The following MYT1L variants were observed in gnomAD, a reference collection of about 807,000 sequenced individuals.
MYT1L encodes the protein myelin transcription factor 1 like, also known as myelin transcription factor 1-like protein.
In MYT1L, 12 loss-of-function variants were observed where a neutral mutation model predicts 126.7. The observed-to-expected ratio is 0.09, with a 90% CI of 0.06 to 0.15. The LOEUF (loss-of-function observed/expected upper bound fraction) is 0.15. Among genes scored for constraint, MYT1L ranks in the 10% least tolerant of loss-of-function variants. The probability of loss-of-function intolerance (pLI) is 1.00; values close to 1 mark genes in which losing one functional copy is unlikely to be tolerated. For missense variants in MYT1L, 979 were observed against 1,585.2 expected (o/e 0.62, Z 6.49); for synonymous variants, 541 against 604.2 (o/e 0.90, Z 1.53).
chr2:1,956,158 CATCT>C (rs532154049), intron 8 of MYT1L, among the ~76,000 whole-genome samples: 70 of 151,198 alleles, frequency 4.6e-4, no homozygotes, highest in South Asian at 1.9e-3. Flanking sequence ...CCTATTTTAC[CATCT>C]ATCTGTCTGC....
chr2:1,798,220 T>C (rs1255785084), intron 23 of MYT1L, among the ~76,000 whole-genome samples: 17 of 25,994 alleles, frequency 6.5e-4, no homozygotes, highest in African/African-American at 1.4e-3. Context: ...CGCGGCGGTC[T>C]CCCTCCATCC....
chr2:2,163,347 T>C (rs2088363712), intron 3 of MYT1L, among the ~76,000 whole-genome samples: 1 of 152,150 alleles, frequency 6.6e-6, no homozygotes, highest in Non-Finnish European at 1.5e-5. Context: ...GAGCAAATCA[T>C]CAGTTGCAAA....
At chr2:2,205,598 T>C (rs1171788166) in intron 2 of MYT1L, among the ~76,000 whole-genome samples, 1 of 152,222 alleles carries the variant, frequency 6.6e-6, no homozygotes, top group Non-Finnish European at 1.5e-5. Context: ...ATTTCTAAAT[T>C]GTCTCTCCCT....
intron 18 of MYT1L, chr2:1,884,006 T>C (rs2047888113): frequency 6.6e-6 from 1 of 152,208 alleles, no homozygotes; most frequent in African/African-American, 2.4e-5. Context: ...CCAGGCAAAG[T>C]GTTATCTCAG....
rs1173295818 is a variant in MYT1L, at chr2:1,790,318, G to A, written c.*1549C>T. 2.6e-5 allele frequency: 4 copies of A among 152,098 alleles called. No individual in the cohort carries two copies. Among genetic ancestry groups the A allele is most frequent in the Non-Finnish European group, 4.4e-5 (3 of 68,028 alleles). The allele number at this position is 152,098 out of a possible 1,614,324, so 9.4% of individuals were successfully genotyped here. A position where few individuals can be genotyped will look rare whatever the true frequency, so the allele number is the denominator to read the frequency against. ...ATAACATCAAGACATGGAAGGAAGA[G>A]ATGCTACTAAATGGAACTCAAGTCA... On this transcript the variant is annotated 3_prime_UTR_variant, in exon 25 of 25. Coordinates refer to ENST00000647738, the MANE Select transcript of MYT1L (RefSeq NM_001303052.2).
At chr2:1,896,566 A>T (rs1181153643) in intron 14 of MYT1L, among the ~76,000 whole-genome samples, 1 of 152,230 alleles carries the variant, frequency 6.6e-6, no homozygotes, top group Non-Finnish European at 1.5e-5. Context: ...TGGAGGCCAC[A>T]AACCTAAATG....
intron 15 of MYT1L, among the ~76,000 whole-genome samples, chr2:1,891,545 T>C (rs1305289284): frequency 6.6e-6 from 1 of 152,250 alleles, no homozygotes; most frequent in Non-Finnish European, 1.5e-5. Flanking sequence ...GTGCTGGCTG[T>C]AAATACACGG....
Position 1,889,124 on chromosome 2 carries a change from G to T in MYT1L, c.2520+117C>A. The T allele has an allele frequency of 1.3e-6, 1 of 749,698 alleles. No individual in the cohort carries two copies. Among genetic ancestry groups the T allele is most frequent in the Non-Finnish European group, 2.1e-6 (1 of 474,468 alleles). 46.4% of individuals were successfully genotyped at this position (749,698 alleles called of 1,614,324 possible). On this transcript the variant is annotated intron_variant, in intron 16 of 24. Coordinates refer to ENST00000647738, the MANE Select transcript of MYT1L (RefSeq NM_001303052.2). This position sits in a 1 kb window ranked among gnomAD's most constrained non-coding sequence, Gnocchi z 4.1. ...TTTTCTAAGTCCTCCTCAGCTAAAGGTCATATTTAAAGAGAAAATATATTT... is the reference window on the plus strand; with the variant it reads ...TTTTCTAAGTCCTCCTCAGCTAAAGTTCATATTTAAAGAGAAAATATATTT...
Position 2,256,440 on chromosome 2 carries a change from G to A in MYT1L, c.-421+27964C>T, listed in dbSNP as rs139237896. On this transcript the variant is annotated intron_variant, in intron 2 of 24. Coordinates refer to ENST00000647738, the MANE Select transcript of MYT1L (RefSeq NM_001303052.2). ...AACACAACCATATCCTCACAATTCC[G>A]TATTATCTATGCTGCTTAGCGCTAC... 2.6e-3 allele frequency among the ~76,000 whole-genome samples: 403 copies of A among 152,302 alleles called. 1 individual carries two copies. Among genetic ancestry groups the A allele is most frequent in the African/African-American group, 9.2e-3 (384 of 41,564 alleles).
intron 2 of MYT1L, among the ~76,000 whole-genome samples, chr2:2,184,781 T>C (rs11127376): frequency 0.11 from 16,428 of 152,102 alleles, 887 homozygotes; most frequent in African/African-American, 0.14. Flanking sequence ...CCTCTCCTCA[T>C]CCGTCAGCTT....
At position 1,979,771 on chromosome 2, in the gene MYT1L, C is replaced by T. The variant is rs201765281; in HGVS notation, c.7G>A (p.Val3Met). Residue 3 changes from valine (V) to methionine (M), a missense_variant, in exon 6 of 25, where the codon GTG becomes ATG. Val to Met is a conservative substitution (Grantham distance 21, BLOSUM62 1). Around this residue, in one of 12 missense-constraint regions of MYT1L, gnomAD observed 50 missense variants for 48.6 expected, o/e 1.03. Transcript: ENST00000647738. The surrounding 1 kb of genome is among the most constrained non-coding windows in gnomAD (Gnocchi z 4.0). ME[V>M]DTEEKRHRTR... is the part of the protein sequence containing the mutation. ...CGATGCCGCTTCTCCTCGGTGTCCA[C>T]CTCCATCTGGGGATAGATTAGCAGC... 90 of 1,613,834 alleles carry T rather than the reference C, an allele frequency of 5.6e-5. No homozygotes were observed. Among genetic ancestry groups the T allele is most frequent in the Non-Finnish European group, 1.3e-5 (15 of 1,179,892 alleles).
chr2:2,216,943 A>T (rs1340861609), intron 2 of MYT1L, among the ~76,000 whole-genome samples: 2 of 152,172 alleles, frequency 1.3e-5, no homozygotes, highest in Non-Finnish European at 2.9e-5. Context: ...GAAAAATTTG[A>T]TTTGAAAGAC....
chr2:1,888,517 G>A (rs1203775252), intron 16 of MYT1L, among the ~76,000 whole-genome samples: 1 of 152,098 alleles, frequency 6.6e-6, no homozygotes, highest in African/African-American at 2.4e-5. Flanking sequence ...CTAGTGCTTC[G>A]ATGGTGGTCT....
chr2:2,261,930 G>A (rs2094978178), intron 2 of MYT1L, among the ~76,000 whole-genome samples: 1 of 152,164 alleles, frequency 6.6e-6, no homozygotes, highest in Admixed American at 6.5e-5. Flanking sequence ...GTTGGAATGA[G>A]ATAAAACTTT....
At chr2:1,884,417 C>G (rs1030662155) in intron 18 of MYT1L, among the ~76,000 whole-genome samples, 2 of 152,192 alleles carry the variant, frequency 1.3e-5, no homozygotes, top group African/African-American at 2.4e-5. Context: ...AGTCCATGCT[C>G]CTGGGCTTGA....
At chr2:1,982,046 A>T (rs2060650522) in intron 5 of MYT1L, among the ~76,000 whole-genome samples, 1 of 152,226 alleles carries the variant, frequency 6.6e-6, no homozygotes, top group African/African-American at 2.4e-5. Context: ...TGGATTTGAC[A>T]TTTAACTAAA....
Position 2,090,347 on chromosome 2 carries a change from TC to T in MYT1L, c.-303-36225del, listed in dbSNP as rs1256207566. Among the ~76,000 whole-genome samples the T allele has an allele frequency of 3.9e-5, 6 of 152,180 alleles. No homozygotes were observed. The East Asian group carries it at 1.2e-3, about 29-fold the overall frequency. On this transcript the variant is annotated intron_variant, in intron 3 of 24. Transcript: ENST00000647738. ...AAAGGAAGCTACACAATTTTTTCAT[TC>T]CAAAAAAGTGCATATAAATGATATG...
chr2:2,279,512 G>T (rs1331575326), intron 2 of MYT1L, among the ~76,000 whole-genome samples: 1 of 150,056 alleles, frequency 6.7e-6, no homozygotes. Flanking sequence ...AGTAAGAAGA[G>T]AGAAAGAGGG....
chr2:1,819,579 G>A (rs186885044), intron 21 of MYT1L, among the ~76,000 whole-genome samples: 12 of 152,332 alleles, frequency 7.9e-5, no homozygotes, highest in East Asian at 1.9e-4. Context: ...CCATGCACCC[G>A]TGAGTGACAG....
Sources: gnomAD v4.1 joint callset for allele counts (sites outside exome capture counted in the v4.1 genomes callset) on GRCh38, gnomAD v4.1.1 for gene constraint, gnomAD v4.1.1 regional missense constraint, Gnocchi (gnomAD v3.1) non-coding constraint, MANE v1.5 for transcripts, NCBI Gene and HGNC (gene_info 2026-07-23, HGNC 2026-07-21) for gene names.